ZBTB40: variants seen among roughly 807,000 people sequenced by gnomAD.
ZBTB40 encodes zinc finger and BTB domain-containing protein 40.
Under a neutral mutation model 117.5 loss-of-function variants are expected in ZBTB40, and 60 were observed. That is an observed-to-expected ratio of 0.51 (90% CI 0.41 to 0.63). The LOEUF (loss-of-function observed/expected upper bound fraction) is 0.63. Ranked by LOEUF, ZBTB40 falls within the 30% of genes least tolerant of loss-of-function variation. ZBTB40 has a pLI of 0.00. For synonymous variants in ZBTB40, 525 were observed against 577.1 expected, an observed-to-expected ratio of 0.91 and a Z score of 1.29; for missense variants, 1,287 against 1,498.5, an observed-to-expected ratio of 0.86 and a Z score of 2.33.
intron 1 of ZBTB40, among the ~76,000 whole-genome samples, chr1:22,465,598 G>C (rs373020203): frequency 6.6e-6 from 1 of 152,192 alleles, no homozygotes; most frequent in African/African-American, 2.4e-5. Flanking sequence ...GTTGTTCATG[G>C]TGCTTGGGCT....
In ZBTB40 at chr1:22,513,391, A is replaced by T. The variant is rs958566841; in HGVS notation, c.2668+261A>T. ...TTTCATATTGCATGCCTGCAGCACA[A>T]CATCACATGTACCTTGTGAATATAT... On this transcript the variant is annotated intron_variant, in intron 12 of 17. Transcript: ENST00000375647. The surrounding 1 kb of genome is among the most constrained non-coding windows in gnomAD (Gnocchi z 4.9). Among the ~76,000 whole-genome samples, 18 of 152,156 alleles carry T rather than the reference A, an allele frequency of 1.2e-4. No individual in the cohort carries two copies. Among genetic ancestry groups the T allele is most frequent in the African/African-American group, 4.3e-4 (18 of 41,430 alleles).
rs896415729 is a variant in ZBTB40, at chr1:22,530,967, G to C, written c.*4571G>C. On this transcript the variant is annotated 3_prime_UTR_variant, in exon 18 of 18. Transcript: ENST00000375647. The stretch of plus-strand genomic sequence containing the variant: ...CCTGGGTACATCCAGCTGTCCCGCT[G>C]TCTAACTGACATTGTGTGAGATGCT... 6.6e-6 allele frequency: 1 copy of C among 152,198 alleles called. No homozygotes were observed. The highest frequency in any genetic ancestry group is 1.5e-5 in the Non-Finnish European group (1 of 68,046). 9.4% of individuals were successfully genotyped at this position (152,198 alleles called of 1,614,324 possible).
Position 22,530,202 on chromosome 1 carries a change from A to G in ZBTB40, c.*3806A>G, listed in dbSNP as rs1002031477. ...AATGGAGAAAAAGCAGGGATGCTAT[A>G]ATGAGTCCTCCCCAAGGGTGAGTTC... is the stretch of plus-strand genomic sequence containing the variant. On this transcript the variant is annotated 3_prime_UTR_variant, in exon 18 of 18. Coordinates refer to ENST00000375647, the MANE Select transcript of ZBTB40 (RefSeq NM_014870.4). 4 of 152,280 alleles carry G rather than the reference A, an allele frequency of 2.6e-5. No homozygotes were observed. The highest frequency in any genetic ancestry group is 9.7e-5 in the African/African-American group (4 of 41,402). 9.4% of individuals were successfully genotyped at this position (152,280 alleles called of 1,614,324 possible).
At chr1:22,470,433 G>C (rs954478471) in intron 1 of ZBTB40, among the ~76,000 whole-genome samples, 5 of 152,170 alleles carry the variant, frequency 3.3e-5, no homozygotes, top group African/African-American at 9.7e-5. Context: ...GAATGAGTCT[G>C]CCACAGCCAG....
chr1:22,521,234 C>T (rs1639515973), intron 14 of ZBTB40, among the ~76,000 whole-genome samples: 1 of 152,202 alleles, frequency 6.6e-6, no homozygotes, highest in Non-Finnish European at 1.5e-5. Flanking sequence ...ACACCTCCCT[C>T]ATAGGCTTGT....
intron 3 of ZBTB40, among the ~76,000 whole-genome samples, chr1:22,492,291 C>T (rs781614784): frequency 7.2e-5 from 11 of 152,192 alleles, no homozygotes; most frequent in Non-Finnish European, 1.3e-4. Flanking sequence ...GCTTAGGAAT[C>T]GCCTGACAGG....
intron 17 of ZBTB40, 106 bp downstream of exon 17, chr1:22,524,550 G>A: frequency 7.9e-7 from 1 of 1,269,404 alleles, no homozygotes; most frequent in Admixed American, 2.0e-5. Flanking sequence ...TGGGGATCTT[G>A]TAGAGAGTCT....
At chr1:22,463,503 T>C (rs891070527) in intron 1 of ZBTB40, among the ~76,000 whole-genome samples, 5 of 152,214 alleles carry the variant, frequency 3.3e-5, no homozygotes, top group South Asian at 2.1e-4. Context: ...ACCTAAGAGA[T>C]TGGATTTGAA....
intron 1 of ZBTB40, among the ~76,000 whole-genome samples, chr1:22,475,141 T>C (rs548491459): frequency 6.6e-6 from 1 of 152,322 alleles, no homozygotes; most frequent in South Asian, 2.1e-4. Flanking sequence ...GGTCTAGCTT[T>C]TGCTTCATGA....
Position 22,504,795 on chromosome 1 carries a change from A to G in ZBTB40, c.1168-1254A>G, listed in dbSNP as rs1639035362. On this transcript the variant is annotated intron_variant, in intron 5 of 17. Coordinates refer to ENST00000375647, the MANE Select transcript of ZBTB40 (RefSeq NM_014870.4). ...GGTCACACAGGCAATAAATATTAGAACTGCAATTTGAACTAGGTCTGTCTG... is the reference window on the plus strand; with the variant it reads ...GGTCACACAGGCAATAAATATTAGAGCTGCAATTTGAACTAGGTCTGTCTG... Among the ~76,000 whole-genome samples the G allele has an allele frequency of 2.0e-5, 3 of 152,192 alleles. No homozygotes were observed. In the South Asian group the frequency reaches 6.2e-4, roughly 32 times the overall value.
chr1:22,446,514 A>G (rs1640791674), intron 1 of ZBTB40, among the ~76,000 whole-genome samples: 1 of 152,010 alleles, frequency 6.6e-6, no homozygotes, highest in African/African-American at 2.4e-5. Context: ...GAAATCTTGT[A>G]AGAAGCCACA....
chr1:22,435,380 T>C (rs1306066450), intron 1 of ZBTB40, among the ~76,000 whole-genome samples: 1 of 152,174 alleles, frequency 6.6e-6, no homozygotes, highest in African/African-American at 2.4e-5. Flanking sequence ...TTTTATTCCA[T>C]TTTTCTCTTC....
At chr1:22,486,900 A>T (rs1638487132) in intron 1 of ZBTB40, among the ~76,000 whole-genome samples, 1 of 151,820 alleles carries the variant, frequency 6.6e-6, no homozygotes, top group Non-Finnish European at 1.5e-5. Flanking sequence ...ATGCCTGACT[A>T]ATTTGTGTAA....
At chr1:22,525,329 A>G (rs1418603624) in intron 17 of ZBTB40, among the ~76,000 whole-genome samples, 1 of 152,246 alleles carries the variant, frequency 6.6e-6, no homozygotes, top group Admixed American at 6.5e-5. Flanking sequence ...ATCCTGGATC[A>G]TTGTTGATTG....
intron 3 of ZBTB40, among the ~76,000 whole-genome samples, chr1:22,498,534 C>T (rs989563916): frequency 1.6e-4 from 24 of 152,216 alleles, no homozygotes; most frequent in African/African-American, 4.8e-4. Context: ...TCTCCTGGCC[C>T]TTTCATCAGC....
intron 1 of ZBTB40, among the ~76,000 whole-genome samples, chr1:22,462,428 G>C (rs1275243602): frequency 6.6e-6 from 1 of 152,162 alleles, no homozygotes; most frequent in Non-Finnish European, 1.5e-5. Flanking sequence ...TAAAGTGCTT[G>C]GCACAATACC....
At chr1:22,482,360 G>A (rs911774561) in intron 1 of ZBTB40, among the ~76,000 whole-genome samples, 2 of 152,100 alleles carry the variant, frequency 1.3e-5, no homozygotes, top group African/African-American at 4.8e-5. Flanking sequence ...GCAAAATTAA[G>A]CGGAAATTAC....
At chr1:22,456,281 GAGA>G (rs1641002621) in intron 1 of ZBTB40, among the ~76,000 whole-genome samples, 2 of 152,156 alleles carry the variant, frequency 1.3e-5, no homozygotes, top group African/African-American at 4.8e-5. Flanking sequence ...GCCCTCGAGA[GAGA>G]AGGATAAGGA....
At chr1:22,478,464 G>A (rs1641604795) in intron 1 of ZBTB40, among the ~76,000 whole-genome samples, 1 of 152,054 alleles carries the variant, frequency 6.6e-6, no homozygotes, top group Admixed American at 6.5e-5. Flanking sequence ...AGCCAGGATG[G>A]TCTTGATCTC....
Sources: allele counts gnomAD v4.1 joint callset (sites outside exome capture counted in the v4.1 genomes callset), GRCh38; gene constraint gnomAD v4.1.1; non-coding constraint Gnocchi (gnomAD v3.1); transcripts MANE v1.5; gene names NCBI Gene and HGNC (gene_info 2026-07-23, HGNC 2026-07-21).